COL19A1: variants seen among roughly 807,000 people sequenced by gnomAD.
COL19A1 encodes the protein collagen type XIX alpha 1 chain.
Under a neutral mutation model 190.2 loss-of-function variants are expected in COL19A1, and 159 were observed. The ratio of observed to expected loss-of-function variants is 0.84; its 90% CI spans 0.73 to 0.95. The LOEUF (loss-of-function observed/expected upper bound fraction) is 0.95. COL19A1 is among the 40% of genes least tolerant of loss of function. The pLI is 0.00. For synonymous variants in COL19A1, 509 were observed against 458.9 expected (o/e 1.11, Z -1.39); for missense variants, 1,418 against 1,431.9 (o/e 0.99, Z 0.16).
intron 15 of COL19A1, among the ~76,000 whole-genome samples, chr6:70,086,671 A>C (rs752560681): frequency 3.3e-5 from 5 of 152,218 alleles, no homozygotes; most frequent in Non-Finnish European, 5.9e-5. Context: ...AACAAAAATA[A>C]AAACAAAAAC....
intron 49 of COL19A1, 126 bp downstream of exon 49, chr6:70,199,862 A>G (rs1767442576): frequency 1.2e-6 from 1 of 830,216 alleles, no homozygotes; most frequent in South Asian, 2.2e-5. Flanking sequence ...ATATAAATAT[A>G]TGCAATATAT....
chr6:70,048,208 G>T (rs114075589), intron 14 of COL19A1, among the ~76,000 whole-genome samples: 280 of 152,112 alleles, frequency 1.8e-3, no homozygotes, highest in African/African-American at 6.4e-3. Context: ...CATAAGCAAC[G>T]GAGAGAAAAT....
rs1767425624 is a variant in COL19A1 at position 70,199,658 on chromosome 6, G to C, written c.3145G>C (p.Ala1049Pro). Reference protein sequence around the residue: ...SQLKLPAAMLAAQAYGRPGPP... With the variant: ...SQLKLPAAMLPAQAYGRPGPP... Reference sequence around the variant, plus strand: ...GCTCAAGCTGCCAGCAGCAATGTTGGCTGCCCAAGCTTATGGGAGACCTGG... The same window carrying C: ...GCTCAAGCTGCCAGCAGCAATGTTGCCTGCCCAAGCTTATGGGAGACCTGG... The change falls in exon 49 of 51, where the codon GCT becomes CCT. Residue 1049 changes from alanine to proline, a missense_variant. By Grantham distance (27) the Ala-to-Pro change is conservative. Transcript: ENST00000620364. 2 of 1,608,202 alleles carry C rather than the reference G, an allele frequency of 1.2e-6. No individual in the cohort carries two copies. Among genetic ancestry groups the C allele is most frequent in the Non-Finnish European group, 1.7e-6 (2 of 1,176,440 alleles).
chr6:70,023,939 G>A lies in COL19A1; in HGVS notation c.1080+259G>A, dbSNP rs186806923. 3.3e-5 allele frequency among the ~76,000 whole-genome samples: 5 copies of A among 152,212 alleles called. No individual in the cohort carries two copies. In the East Asian group the frequency reaches 9.7e-4, roughly 29 times the overall value. On this transcript the variant is annotated intron_variant, in intron 12 of 50. Transcript: ENST00000620364. ...ACGTTTCTTGCTTGCAAATTTTCTA[G>A]TCTTTTTTTTCTGTCTTTTTTCATC... is the stretch of plus-strand genomic sequence containing the variant.
intron 17 of COL19A1, among the ~76,000 whole-genome samples, chr6:70,129,907 T>G (rs1481403162): frequency 6.6e-6 from 1 of 152,164 alleles, no homozygotes; most frequent in Non-Finnish European, 1.5e-5. Flanking sequence ...GTAGTGAGTA[T>G]TTATCCCCAG....
chr6:70,056,019 T>C (rs1275262214), intron 14 of COL19A1, among the ~76,000 whole-genome samples: 1 of 152,146 alleles, frequency 6.6e-6, no homozygotes, highest in Admixed American at 6.6e-5. Context: ...TTCCATCTGT[T>C]GTAGGGAGCT....
intron 11 of COL19A1, among the ~76,000 whole-genome samples, chr6:69,990,710 T>C (rs1776570557): frequency 1.3e-5 from 2 of 152,046 alleles, no homozygotes; most frequent in Non-Finnish European, 2.9e-5. Context: ...GTGATGTTTT[T>C]AGCAAGACTA....
At chr6:70,064,361 A>G (rs556390292) in intron 14 of COL19A1, among the ~76,000 whole-genome samples, 152 of 152,302 alleles carry the variant, frequency 1.0e-3, no homozygotes, top group Non-Finnish European at 1.4e-3. Flanking sequence ...GACAAAAACC[A>G]CATGATTATC....
rs540402425 is a variant in COL19A1 at position 69,949,704 on chromosome 6, C to A, written c.937-10292C>A. Among the ~76,000 whole-genome samples the A allele has an allele frequency of 4.6e-5, 7 of 151,872 alleles. No homozygotes were observed. The South Asian group carries it at 1.2e-3, about 27-fold the overall frequency. On this transcript the variant is annotated intron_variant, in intron 9 of 50. Transcript: ENST00000620364. ...GCTTTGTATCCCACATTTGCTTCAA[C>A]GTGAAATATGTGCATCTTCCAGAGT...
At chr6:70,163,771 C>A (rs1207292812) in intron 36 of COL19A1, among the ~76,000 whole-genome samples, 1 of 152,110 alleles carries the variant, frequency 6.6e-6, no homozygotes, top group Non-Finnish European at 1.5e-5. Context: ...GACAAAATAC[C>A]ATAGACGGAG....
chr6:70,076,438 C>T (rs1781886979), intron 15 of COL19A1, among the ~76,000 whole-genome samples: 1 of 152,152 alleles, frequency 6.6e-6, no homozygotes, highest in Admixed American at 6.5e-5. Flanking sequence ...TAAAGCCACA[C>T]ACTAGAAGGG....
At chr6:70,172,076 C>A (rs1480919343) in intron 41 of COL19A1, 59 bp downstream of exon 41, 2 of 1,532,902 alleles carry the variant, frequency 1.3e-6, no homozygotes, top group Non-Finnish European at 1.8e-6. Context: ...GTTTACTGAG[C>A]ACCTAATGTG....
At chr6:70,204,969 G>A (rs1051562743) in intron 49 of COL19A1, among the ~76,000 whole-genome samples, 33 of 152,006 alleles carry the variant, frequency 2.2e-4, no homozygotes, top group African/African-American at 6.5e-4. Flanking sequence ...GTTCACATAC[G>A]TTAAATGAAA....
At chr6:69,942,260 T>C (rs184283951) in intron 9 of COL19A1, among the ~76,000 whole-genome samples, 12 of 152,304 alleles carry the variant, frequency 7.9e-5, no homozygotes, top group African/African-American at 2.9e-4. Flanking sequence ...ATAACAATTA[T>C]ACGTATTTAT....
chr6:69,932,407 T>G (rs1343896457), intron 6 of COL19A1, among the ~76,000 whole-genome samples: 3 of 149,092 alleles, frequency 2.0e-5, no homozygotes, highest in Admixed American at 6.7e-5. Context: ...ATATCTTTGA[T>G]TTTACCTTTT....
chr6:70,177,327 AAAGAT>A (rs1283479394), intron 42 of COL19A1, among the ~76,000 whole-genome samples: 5 of 152,190 alleles, frequency 3.3e-5, no homozygotes, highest in East Asian at 1.9e-4. Context: ...AGAATATAAG[AAAGAT>A]AAGATAAGAT....
At chr6:69,973,125 TAGTC>T (rs1267612966) in intron 11 of COL19A1, among the ~76,000 whole-genome samples, 1 of 152,244 alleles carries the variant, frequency 6.6e-6, no homozygotes, top group Non-Finnish European at 1.5e-5. Flanking sequence ...AGTTTCTCCT[TAGTC>T]AGTGCTGGGT....
chr6:69,902,786 A>T (rs546473520), intron 4 of COL19A1, among the ~76,000 whole-genome samples: 1 of 152,280 alleles, frequency 6.6e-6, no homozygotes. Context: ...CCACACTTTA[A>T]ATTTCCAAGG....
chr6:69,948,372 A>G (rs1219576120), intron 9 of COL19A1, among the ~76,000 whole-genome samples: 1 of 151,842 alleles, frequency 6.6e-6, no homozygotes, highest in Non-Finnish European at 1.5e-5. Flanking sequence ...AGGTTGGTAT[A>G]AAATAGCATT....
Sources: gnomAD v4.1 joint callset for allele counts (sites outside exome capture counted in the v4.1 genomes callset) on GRCh38, gnomAD v4.1.1 for gene constraint, MANE v1.5 for transcripts, NCBI Gene and HGNC (gene_info 2026-07-23, HGNC 2026-07-21) for gene names.